Variants in LRBA observed in about 807,000 individuals in gnomAD.
LRBA encodes the protein lipopolysaccharide-responsive and beige-like anchor protein.
Under a neutral mutation model 330.0 loss-of-function variants are expected in LRBA, and 176 were observed. The observed-to-expected ratio is 0.53, with a 90% CI of 0.47 to 0.60. The LOEUF (loss-of-function observed/expected upper bound fraction) is 0.60, where lower values mean the gene tolerates loss of function less well. LRBA is among the 20% of genes least tolerant of loss of function. The pLI, the probability that LRBA is intolerant of heterozygous loss-of-function variation, is 0.00. For synonymous variants in LRBA, 1,230 were observed against 1,193.0 expected (o/e 1.03, Z -0.64); for missense variants, 3,259 against 3,444.8 (o/e 0.95, Z 1.35).
chr4:150,757,478 A>C (rs1582257525), intron 35 of LRBA, among the ~76,000 whole-genome samples: 1 of 152,196 alleles, frequency 6.6e-6, no homozygotes, highest in East Asian at 1.9e-4. Flanking sequence ...AATCAAGGGC[A>C]AAATTTATAG....
chr4:150,782,691 A>G (rs567743874), intron 34 of LRBA, among the ~76,000 whole-genome samples: 1 of 152,354 alleles, frequency 6.6e-6, no homozygotes, highest in Non-Finnish European at 1.5e-5. Context: ...CTTTATCTTA[A>G]TAAGATCTGG....
At chr4:151,007,811 C>G (rs1471997948) in intron 2 of LRBA, among the ~76,000 whole-genome samples, 1 of 148,072 alleles carries the variant, frequency 6.8e-6, no homozygotes, top group Non-Finnish European at 1.5e-5. Context: ...GAGCCGAGAT[C>G]GCACCACTGC....
chr4:150,985,778 G>A (rs536087122), intron 2 of LRBA, among the ~76,000 whole-genome samples: 59 of 152,184 alleles, frequency 3.9e-4, no homozygotes, highest in Non-Finnish European at 5.9e-4. Context: ...GATTACAGGC[G>A]TGAGCCACCG....
intron 47 of LRBA, among the ~76,000 whole-genome samples, chr4:150,407,972 C>T (rs1406828212): frequency 6.6e-6 from 1 of 151,890 alleles, no homozygotes; most frequent in Non-Finnish European, 1.5e-5. Context: ...AATAAAAAAA[C>T]TAGGTTTCCA....
chr4:150,647,544 C>A (rs993255757), intron 37 of LRBA, among the ~76,000 whole-genome samples: 2 of 151,190 alleles, frequency 1.3e-5, no homozygotes, highest in Non-Finnish European at 2.9e-5. Context: ...CAGGTGCATA[C>A]CAACATACCC....
intron 18 of LRBA, among the ~76,000 whole-genome samples, 160 bp downstream of exon 18, chr4:150,872,503 A>C (rs1753555408): frequency 6.6e-6 from 1 of 152,306 alleles, no homozygotes; most frequent in East Asian, 1.9e-4. Flanking sequence ...CTGTTCACTT[A>C]ATTTTTAAAA....
chr4:150,555,566 T>C (rs1581660737), intron 40 of LRBA, among the ~76,000 whole-genome samples: 1 of 152,008 alleles, frequency 6.6e-6, no homozygotes, highest in Non-Finnish European at 1.5e-5. Context: ...CTGGCCAACA[T>C]GGTGAAACGC....
intron 50 of LRBA, among the ~76,000 whole-genome samples, chr4:150,317,536 G>C (rs1731875609): frequency 6.6e-6 from 1 of 152,072 alleles, no homozygotes; most frequent in South Asian, 2.1e-4. Context: ...GCTGATTACT[G>C]TCTCTGCTGG....
chr4:150,746,349 A>C (rs1016192228), intron 35 of LRBA, among the ~76,000 whole-genome samples: 1 of 152,112 alleles, frequency 6.6e-6, no homozygotes, highest in Non-Finnish European at 1.5e-5. Flanking sequence ...GAGATCATTC[A>C]TTCTTTCATT....
intron 2 of LRBA, chr4:150,970,548 TGTGTGTGTACACAC>T (rs1407392327): frequency 0.012 from 519 of 43,318 alleles, 5 homozygotes; most frequent in African/African-American, 0.027. Context: ...TGTGTGTGTG[TGTGTGTGTACACAC>T]ACACACACAC....
intron 47 of LRBA, among the ~76,000 whole-genome samples, chr4:150,368,155 T>C (rs1403764889): frequency 6.6e-6 from 1 of 152,186 alleles, no homozygotes; most frequent in Admixed American, 6.5e-5. Context: ...CAATATGCTA[T>C]GCTGCTGTAG....
intron 34 of LRBA, among the ~76,000 whole-genome samples, chr4:150,773,480 T>C (rs1000704386): frequency 1.3e-5 from 2 of 152,264 alleles, no homozygotes; most frequent in African/African-American, 4.8e-5. Context: ...CACCTGGTTA[T>C]GCTTATAATA....
chr4:150,866,376 TG>T (rs1317304501), intron 22 of LRBA, among the ~76,000 whole-genome samples: 4 of 152,188 alleles, frequency 2.6e-5, no homozygotes, highest in Non-Finnish European at 5.9e-5. Context: ...GGATTAAGAA[TG>T]AGACTACATA....
At chr4:150,926,112 G>C (rs1733855673) in intron 4 of LRBA, among the ~76,000 whole-genome samples, 1 of 152,168 alleles carries the variant, frequency 6.6e-6, no homozygotes, top group Admixed American at 6.5e-5. Context: ...ATACTAGGGA[G>C]GAAAGAACTG....
At chr4:150,807,103 GT>G (rs1263707443) in intron 32 of LRBA, among the ~76,000 whole-genome samples, 43 of 144,232 alleles carry the variant, frequency 3.0e-4, no homozygotes, top group East Asian at 8.0e-4. Context: ...TTTAATGAGG[GT>G]TTTTTTTTTA....
chr4:150,450,380 T>G (rs2152028237), intron 44 of LRBA, among the ~76,000 whole-genome samples: 1 of 152,310 alleles, frequency 6.6e-6, no homozygotes, highest in South Asian at 2.1e-4. Flanking sequence ...GGCAGGTTCA[T>G]GCTCTCTTTG....
chr4:150,726,394 C>A (rs1273528066), intron 36 of LRBA, among the ~76,000 whole-genome samples: 1 of 151,992 alleles, frequency 6.6e-6, no homozygotes, highest in African/African-American at 2.4e-5. Flanking sequence ...TAAAAAGAGA[C>A]AAAGACGGTC....
intron 8 of LRBA, among the ~76,000 whole-genome samples, 171 bp from the exon 9 acceptor site, chr4:150,914,512 G>A (rs1316446592): frequency 6.6e-6 from 1 of 152,070 alleles, no homozygotes; most frequent in Non-Finnish European, 1.5e-5. Flanking sequence ...TGTATGTAAT[G>A]ACATTAGGGG....
intron 40 of LRBA, among the ~76,000 whole-genome samples, chr4:150,516,486 A>G (rs933373041): frequency 2.0e-5 from 3 of 151,990 alleles, no homozygotes; most frequent in Non-Finnish European, 4.4e-5. Context: ...AATGGCAAAA[A>G]TATGACTGAT....
Sources: gnomAD v4.1 joint callset for allele counts (sites outside exome capture counted in the v4.1 genomes callset) on GRCh38, gnomAD v4.1.1 for gene constraint, MANE v1.5 for transcripts, NCBI Gene and HGNC (gene_info 2026-07-23, HGNC 2026-07-21) for gene names.